Variants in EYS observed in about 807,000 individuals in gnomAD.
The protein encoded by EYS is protein eyes shut homolog.
Under a neutral mutation model 282.1 loss-of-function variants are expected in EYS, and 250 were observed. The ratio of observed to expected loss-of-function variants is 0.89; its 90% CI spans 0.80 to 0.98. The LOEUF is 0.98. Among genes scored for constraint, EYS ranks in the 50% least tolerant of loss-of-function variants. EYS has a pLI of 0.00. For missense variants in EYS, 4,016 were observed against 3,709.0 expected, an observed-to-expected ratio of 1.08 and a Z score of -2.15; for synonymous variants, 1,355 against 1,282.9, an observed-to-expected ratio of 1.06 and a Z score of -1.20.
At chr6:64,522,009 T>C (rs1425150236) in intron 26 of EYS, among the ~76,000 whole-genome samples, 1 of 151,744 alleles carries the variant, frequency 6.6e-6, no homozygotes, top group Non-Finnish European at 1.5e-5. Context: ...TAAATACACA[T>C]TTTTCATATG....
intron 13 of EYS, among the ~76,000 whole-genome samples, chr6:65,049,225 C>T (rs1173227146): frequency 6.6e-6 from 1 of 151,618 alleles, no homozygotes; most frequent in African/African-American, 2.4e-5. Flanking sequence ...CCTAATATTC[C>T]TTGGGTGACA....
chr6:65,168,639 A>C (rs1051446282), intron 12 of EYS, among the ~76,000 whole-genome samples: 1 of 151,268 alleles, frequency 6.6e-6, no homozygotes, highest in Admixed American at 6.6e-5. Flanking sequence ...CTTGGGGGTT[A>C]GGATTTCAAC....
At chr6:65,252,893 TC>T in intron 12 of EYS, among the ~76,000 whole-genome samples, 1 of 151,900 alleles carries the variant, frequency 6.6e-6, no homozygotes, top group East Asian at 1.9e-4. Flanking sequence ...TGACAGCAGA[TC>T]AATGAAGATT....
intron 29 of EYS, among the ~76,000 whole-genome samples, chr6:64,361,209 T>C (rs911682327): frequency 1.4e-5 from 1 of 70,920 alleles, no homozygotes. Flanking sequence ...TCAGAAAATA[T>C]GGTTTTTTTT....
At chr6:65,510,696 T>C (rs983806728) in intron 2 of EYS, among the ~76,000 whole-genome samples, 1 of 152,168 alleles carries the variant, frequency 6.6e-6, no homozygotes, top group Non-Finnish European at 1.5e-5. Flanking sequence ...CAAATCCTTA[T>C]CTCTATTGTT....
At chr6:64,171,273 T>C (rs76446313) in intron 31 of EYS, among the ~76,000 whole-genome samples, 12,359 of 152,244 alleles carry the variant, frequency 0.081, 692 homozygotes, top group Non-Finnish European at 0.12. Context: ...ATACGGAAAG[T>C]AAGTGGAATT....
At chr6:64,423,071 C>A (rs953867696) in intron 28 of EYS, among the ~76,000 whole-genome samples, 6 of 152,088 alleles carry the variant, frequency 3.9e-5, no homozygotes, top group Non-Finnish European at 8.8e-5. Context: ...TTCAATCAAT[C>A]ACTCAGTAAG....
chr6:63,764,325 ATAC>A (rs1260456556), intron 40 of EYS, among the ~76,000 whole-genome samples: 6 of 152,182 alleles, frequency 3.9e-5, no homozygotes, highest in Non-Finnish European at 8.8e-5. Context: ...GACAAACAAA[ATAC>A]AGAATTAATC....
chr6:65,091,822 T>A (rs1386964068), intron 12 of EYS, among the ~76,000 whole-genome samples: 1 of 152,048 alleles, frequency 6.6e-6, no homozygotes, highest in African/African-American at 2.4e-5. Context: ...CCTGTTTGTG[T>A]GAGCTCATAC....
At chr6:64,348,183 T>C (rs1771482874) in intron 29 of EYS, among the ~76,000 whole-genome samples, 2 of 151,488 alleles carry the variant, frequency 1.3e-5, no homozygotes, top group Non-Finnish European at 3.0e-5. Flanking sequence ...TATTGAGCAC[T>C]ATTATGCACT....
At chr6:64,684,951 T>A (rs773200751) in intron 22 of EYS, among the ~76,000 whole-genome samples, 2 of 152,034 alleles carry the variant, frequency 1.3e-5, no homozygotes, top group Non-Finnish European at 2.9e-5. Flanking sequence ...TTATAATAAA[T>A]TAAATGGCAA....
chr6:64,745,301 A>G (rs971195891), intron 22 of EYS, among the ~76,000 whole-genome samples: 5 of 152,214 alleles, frequency 3.3e-5, no homozygotes, highest in Non-Finnish European at 5.9e-5. Context: ...ATAAATGTCA[A>G]TATACAAAAT....
At chr6:65,488,477 G>A (rs1176277498) in intron 5 of EYS, among the ~76,000 whole-genome samples, 1 of 152,074 alleles carries the variant, frequency 6.6e-6, no homozygotes, top group African/African-American at 2.4e-5. Flanking sequence ...AAATAAGAGA[G>A]GACACAAACA....
intron 26 of EYS, among the ~76,000 whole-genome samples, chr6:64,524,430 A>T (rs914480514): frequency 6.6e-6 from 1 of 151,632 alleles, no homozygotes; most frequent in Non-Finnish European, 1.5e-5. Flanking sequence ...TAGGTTGTCT[A>T]TTTCCTCTGT....
At chr6:64,999,365 C>G (rs945715843) in intron 13 of EYS, among the ~76,000 whole-genome samples, 1 of 152,192 alleles carries the variant, frequency 6.6e-6, no homozygotes, top group Non-Finnish European at 1.5e-5. Context: ...TAGTCTTGCT[C>G]TTGATTGTTG....
At chr6:63,724,008 T>A (rs1478422486) in intron 42 of EYS, among the ~76,000 whole-genome samples, 1 of 151,998 alleles carries the variant, frequency 6.6e-6, no homozygotes, top group Non-Finnish European at 1.5e-5. Flanking sequence ...GGTTTTACCA[T>A]GTTGGCCAGG....
At chr6:65,120,877 C>G (rs114601125) in intron 12 of EYS, among the ~76,000 whole-genome samples, 2,898 of 152,230 alleles carry the variant, frequency 0.019, 92 homozygotes, top group African/African-American at 0.066. Context: ...ATGTTTCCCT[C>G]TACTTCACCT....
At chr6:65,501,393 T>C (rs1280371999) in intron 2 of EYS, among the ~76,000 whole-genome samples, 1 of 151,966 alleles carries the variant, frequency 6.6e-6, no homozygotes, top group African/African-American at 2.4e-5. Context: ...TAAGATCATA[T>C]TTCCTATCTC....
At chr6:64,404,659 C>T (rs1773651339) in intron 28 of EYS, among the ~76,000 whole-genome samples, 1 of 152,054 alleles carries the variant, frequency 6.6e-6, no homozygotes, top group African/African-American at 2.4e-5. Context: ...GGACAATATG[C>T]ATCAAACATC....
Sources: gnomAD v4.1 joint callset for allele counts (sites outside exome capture counted in the v4.1 genomes callset) on GRCh38, gnomAD v4.1.1 for gene constraint, MANE v1.5 for transcripts, NCBI Gene and HGNC (gene_info 2026-07-23, HGNC 2026-07-21) for gene names.